The following GRAMD2B variants were observed in gnomAD, a reference collection of about 807,000 sequenced individuals.
GRAMD2B encodes GRAM domain-containing protein 2B.
GRAMD2B carries 41 observed loss-of-function variants against 59.2 expected under a neutral mutation model. The observed-to-expected ratio is 0.69, with a 90% CI of 0.54 to 0.90. The LOEUF (loss-of-function observed/expected upper bound fraction) is 0.90, where lower values mean the gene tolerates loss of function less well. GRAMD2B is among the 40% of genes least tolerant of loss of function. The pLI is 0.00. For synonymous variants in GRAMD2B, 161 were observed against 182.7 expected (o/e 0.88, Z 0.96); for missense variants, 424 against 500.5 (o/e 0.85, Z 1.46).
chr5:126,361,440 A>T (rs1274281058), intron 1 of GRAMD2B, among the ~76,000 whole-genome samples: 1 of 151,346 alleles, frequency 6.6e-6, no homozygotes, highest in Non-Finnish European at 1.5e-5. Flanking sequence ...TGTGTTGACT[A>T]GGAAAAGAGA....
chr5:126,462,775 T>G (rs1347574344), intron 1 of GRAMD2B, among the ~76,000 whole-genome samples: 1 of 152,120 alleles, frequency 6.6e-6, no homozygotes, highest in Admixed American at 6.5e-5. Flanking sequence ...GCAGGCAGCA[T>G]AGAGACTTTT....
At chr5:126,437,520 G>A (rs952692109) in intron 1 of GRAMD2B, among the ~76,000 whole-genome samples, 1 of 152,166 alleles carries the variant, frequency 6.6e-6, no homozygotes, top group Non-Finnish European at 1.5e-5. Flanking sequence ...AATCATGAGA[G>A]TGGGTCCAAT....
chr5:126,419,317 T>C (rs1759516851), upstream of GRAMD2B, among the ~76,000 whole-genome samples: 1 of 143,876 alleles, frequency 7.0e-6, no homozygotes, highest in Non-Finnish European at 1.5e-5. Context: ...GAGAGAGAGG[T>C]GAGAGAGAGA....
At chr5:126,404,317 C>T (rs375691648) in intron 1 of GRAMD2B, among the ~76,000 whole-genome samples, 2 of 151,664 alleles carry the variant, frequency 1.3e-5, no homozygotes, top group East Asian at 1.9e-4. Flanking sequence ...GTTAAAAGTA[C>T]CAGTGTCAAC....
chr5:126,381,820 T>G (rs1755684616), intron 1 of GRAMD2B, among the ~76,000 whole-genome samples: 1 of 152,204 alleles, frequency 6.6e-6, no homozygotes, highest in South Asian at 2.1e-4. Flanking sequence ...GAGGTTCTAT[T>G]TTGGCATATT....
chr5:126,380,989 G>C (rs927672245), intron 1 of GRAMD2B, among the ~76,000 whole-genome samples: 3 of 152,078 alleles, frequency 2.0e-5, no homozygotes, highest in African/African-American at 7.2e-5. Context: ...AGTTCTCAGG[G>C]GGAATGCTTT....
At chr5:126,456,454 C>T (rs770872609) in intron 1 of GRAMD2B, among the ~76,000 whole-genome samples, 1 of 152,066 alleles carries the variant, frequency 6.6e-6, no homozygotes, top group Non-Finnish European at 1.5e-5. Context: ...TCAAGTGATC[C>T]TCCCACCTCA....
intron 13 of GRAMD2B, among the ~76,000 whole-genome samples, chr5:126,489,370 C>A (rs1667816352): frequency 2.0e-5 from 3 of 152,120 alleles, no homozygotes; most frequent in African/African-American, 7.2e-5. Flanking sequence ...GGGGAAGAAT[C>A]AAGAGTTTCA....
At chr5:126,401,727 T>C (rs1757856390) in intron 1 of GRAMD2B, among the ~76,000 whole-genome samples, 1 of 152,114 alleles carries the variant, frequency 6.6e-6, no homozygotes, top group African/African-American at 2.4e-5. Context: ...AATATAGATC[T>C]GCTTTACCTA....
At chr5:126,491,027 T>A (rs1423911286) in intron 13 of GRAMD2B, among the ~76,000 whole-genome samples, 1 of 152,192 alleles carries the variant, frequency 6.6e-6, no homozygotes. Flanking sequence ...AGTCAGATAG[T>A]GTGAAGCTGG....
chr5:126,431,782 T>A (rs1038785143), intron 1 of GRAMD2B, among the ~76,000 whole-genome samples: 2 of 150,238 alleles, frequency 1.3e-5, no homozygotes, highest in African/African-American at 2.4e-5. Context: ...AGAAAAAAAA[T>A]TGGCTAATTT....
upstream of GRAMD2B, among the ~76,000 whole-genome samples, chr5:126,420,546 C>G (rs761441440): frequency 2.0e-5 from 3 of 152,202 alleles, no homozygotes; most frequent in Non-Finnish European, 4.4e-5. Flanking sequence ...CATTGGAAGT[C>G]CTTATACCAT....
chr5:126,398,816 G>A (rs1272126358), intron 1 of GRAMD2B, among the ~76,000 whole-genome samples: 1 of 152,050 alleles, frequency 6.6e-6, no homozygotes, highest in Non-Finnish European at 1.5e-5. Context: ...GCTTTGTCTG[G>A]AGATGCTTCT....
intron 1 of GRAMD2B, among the ~76,000 whole-genome samples, chr5:126,379,197 T>A (rs1755452488): frequency 1.3e-5 from 2 of 152,158 alleles, no homozygotes; most frequent in Admixed American, 1.3e-4. Context: ...AGAATAATAG[T>A]CTCCAATTCC....
At chr5:126,366,129 AG>A (rs1475924871) in intron 1 of GRAMD2B, among the ~76,000 whole-genome samples, 6 of 152,228 alleles carry the variant, frequency 3.9e-5, no homozygotes, top group East Asian at 1.9e-4. Flanking sequence ...ATCCTCTCAA[AG>A]GGTTCACAAC....
intron 1 of GRAMD2B, among the ~76,000 whole-genome samples, chr5:126,391,345 T>G (rs1756762487): frequency 1.4e-5 from 1 of 71,542 alleles, no homozygotes; most frequent in Non-Finnish European, 3.6e-5. Flanking sequence ...AAAAAACTTG[T>G]ACACTGTTAT....
Position 126,381,949 on chromosome 5 carries a change from T to C in GRAMD2B, c.125+10382T>C, listed in dbSNP as rs140842736. Reference sequence around the variant, plus strand: ...AAAGTCTTTATCTTTCCTTCATTTATGAAGCTTAGTTTTGCTGGGTACAAA... The same window carrying C: ...AAAGTCTTTATCTTTCCTTCATTTACGAAGCTTAGTTTTGCTGGGTACAAA... On this transcript the variant is annotated intron_variant, in intron 1 of 8. Coordinates refer to the GRAMD2B transcript ENST00000506445. Among the ~76,000 whole-genome samples, 786 of 152,326 alleles carry C rather than the reference T, an allele frequency of 5.2e-3. 3 individuals carry two copies. The highest frequency in any genetic ancestry group is 0.017 in the African/African-American group (719 of 41,574).
At chr5:126,382,255 G>C (rs1455455089) in intron 1 of GRAMD2B, among the ~76,000 whole-genome samples, 1 of 152,176 alleles carries the variant, frequency 6.6e-6, no homozygotes, top group Admixed American at 6.5e-5. Context: ...GGCCAGGAAA[G>C]TTTTCCTCAG....
At chr5:126,483,081 T>C (rs1772191859) in intron 8 of GRAMD2B, among the ~76,000 whole-genome samples, 1 of 152,206 alleles carries the variant, frequency 6.6e-6, no homozygotes, top group African/African-American at 2.4e-5. Context: ...TCTACATATT[T>C]GAACTTGGAT....
Sources: gnomAD v4.1 joint callset for allele counts (sites outside exome capture counted in the v4.1 genomes callset) on GRCh38, gnomAD v4.1.1 for gene constraint, MANE v1.5 for transcripts, NCBI Gene and HGNC (gene_info 2026-07-23, HGNC 2026-07-21) for gene names.